The following IL16 variants were observed in gnomAD, a reference collection of about 807,000 sequenced individuals.
The protein encoded by IL16 is pro-interleukin-16.
IL16 carries 67 observed loss-of-function variants against 110.1 expected under a neutral mutation model. The ratio of observed to expected loss-of-function variants is 0.61; its 90% confidence interval spans 0.50 to 0.75. The LOEUF (loss-of-function observed/expected upper bound fraction) is 0.75. Among genes scored for constraint, IL16 ranks in the 30% least tolerant of loss-of-function variants. The pLI is 0.00. For synonymous variants in IL16, 689 were observed against 662.9 expected (o/e 1.04, Z -0.61); for missense variants, 1,545 against 1,655.0 (o/e 0.93, Z 1.15).
upstream of IL16, among the ~76,000 whole-genome samples, chr15:81,193,682 A>G (rs1297118925): frequency 1.3e-5 from 2 of 152,080 alleles, no homozygotes; most frequent in Non-Finnish European, 2.9e-5. Context: ...AAAGAGGGGA[A>G]GAGAGCCGGG....
At chr15:81,279,352 CATCT>C (rs1223002234) in intron 7 of IL16, among the ~76,000 whole-genome samples, 1 of 151,958 alleles carries the variant, frequency 6.6e-6, no homozygotes. Flanking sequence ...TCTATTCATC[CATCT>C]ATCTGGCATA....
rs1421637927 is a variant in IL16 at position 81,282,642 on chromosome 15, C to T, written c.1085C>T (p.Ala362Val). The change falls in exon 9 of 19, where the codon GCC becomes GTC. Residue 362 changes from alanine to valine, a missense_variant. Around this residue, in one of 3 missense-constraint regions of IL16, gnomAD observed 1,185 missense variants for 1,238.8 expected, o/e 0.96. Transcript: ENST00000683961. ...CCCCGCCCTGTTCTGCTTCCAGAGG[C>T]CGGCGTGGGCCTGGGCATCGGCCTG... ...IMVEVSLQKE[A>V]GVGLGIGLCS... 2.5e-6 allele frequency: 4 copies of T among 1,611,598 alleles called. No homozygotes were observed. Among genetic ancestry groups the T allele is most frequent in the East Asian group, 4.5e-5 (2 of 44,864 alleles).
chr15:81,306,404 C>T lies in IL16; in HGVS notation c.3680-16C>T. 6 of 1,613,478 alleles carry T rather than the reference C, an allele frequency of 3.7e-6. No individual in the cohort carries two copies. The highest frequency in any genetic ancestry group is 5.1e-6 in the Non-Finnish European group (6 of 1,179,840). ...AGAGGAGAGGATCCCTAACAGAGAC[C>T]TTGTGTTTTTCTCAGCAGCAGAGGC... On this transcript the variant is annotated splice_polypyrimidine_tract_variant and intron_variant, in intron 17 of 18. Transcript: ENST00000683961.
At chr15:81,262,972 T>C (rs955942333) in intron 3 of IL16, among the ~76,000 whole-genome samples, 7 of 152,252 alleles carry the variant, frequency 4.6e-5, no homozygotes, top group African/African-American at 1.4e-4. Context: ...ATCAGTGTTA[T>C]AGATCATATT....
chr15:81,306,615 C>A, intron 18 of IL16, 70 bp downstream of exon 18: 4 of 1,586,802 alleles, frequency 2.5e-6, no homozygotes, highest in Non-Finnish European at 3.4e-6. Context: ...CAAAAGGCTT[C>A]TGGGCACTTT....
chr15:81,186,431 A>T (rs1479201946), intron 1 of IL16, among the ~76,000 whole-genome samples: 1 of 152,130 alleles, frequency 6.6e-6, no homozygotes, highest in Non-Finnish European at 1.5e-5. Context: ...AGCAGTATGC[A>T]GCTGAAAAAG....
intron 14 of IL16, among the ~76,000 whole-genome samples, chr15:81,300,821 G>A (rs186332975): frequency 4.6e-5 from 7 of 152,216 alleles, no homozygotes; most frequent in East Asian, 3.9e-4. Context: ...AATGTCCTGC[G>A]GTTACTCAGA....
chr15:81,282,502 C>T, intron 8 of IL16, 137 bp from the exon 9 acceptor site: 2 of 705,914 alleles, frequency 2.8e-6, no homozygotes, highest in Admixed American at 3.8e-5. Context: ...TGCCTGCACA[C>T]AACGACTACT....
chr15:81,274,306 T>G (rs1052589946), intron 6 of IL16, among the ~76,000 whole-genome samples: 1 of 152,176 alleles, frequency 6.6e-6, no homozygotes, highest in Non-Finnish European at 1.5e-5. Flanking sequence ...TTTAAAAGTG[T>G]TTTTGATTAT....
chr15:81,213,174 T>C (rs1276980519), intron 1 of IL16, among the ~76,000 whole-genome samples: 2 of 152,228 alleles, frequency 1.3e-5, no homozygotes, highest in South Asian at 2.1e-4. Flanking sequence ...AGTTGTTTAA[T>C]TTCCATGCAT....
chr15:81,212,620 C>T (rs954611999), intron 1 of IL16, among the ~76,000 whole-genome samples: 3 of 151,972 alleles, frequency 2.0e-5, no homozygotes, highest in Non-Finnish European at 4.4e-5. Context: ...TACAGGCTCC[C>T]TCCACCGCAC....
chr15:81,199,390 T>C (rs1051641985), intron 1 of IL16, among the ~76,000 whole-genome samples: 3 of 152,144 alleles, frequency 2.0e-5, no homozygotes, highest in Non-Finnish European at 1.5e-5. Context: ...CTCAGGTGGA[T>C]GTGAAGGACG....
intron 6 of IL16, among the ~76,000 whole-genome samples, chr15:81,278,202 C>T (rs145094068): frequency 2.2e-3 from 340 of 152,196 alleles, no homozygotes; most frequent in Non-Finnish European, 3.8e-3. Context: ...AGCATTGGTC[C>T]TGGGGATATA....
At chr15:81,217,907 A>G (rs368717929) in intron 1 of IL16, among the ~76,000 whole-genome samples, 2 of 152,198 alleles carry the variant, frequency 1.3e-5, no homozygotes, top group East Asian at 1.9e-4. Context: ...ATGTCTCAAT[A>G]TATCGGTCAA....
intron 8 of IL16, among the ~76,000 whole-genome samples, chr15:81,281,490 C>T (rs1467600717): frequency 6.6e-6 from 1 of 152,252 alleles, no homozygotes; most frequent in Non-Finnish European, 1.5e-5. Flanking sequence ...GCTTTCTCCT[C>T]TGGGTTCCGG....
At chr15:81,304,761 C>G (rs1425412124) in intron 16 of IL16, among the ~76,000 whole-genome samples, 1 of 152,180 alleles carries the variant, frequency 6.6e-6, no homozygotes, top group Non-Finnish European at 1.5e-5. Context: ...AGGAGAGGTT[C>G]TGCTTCATGC....
chr15:81,308,825 T>A lies in IL16; in HGVS notation c.*27T>A. On this transcript the variant is annotated 3_prime_UTR_variant, in exon 19 of 19. Transcript: ENST00000683961. The stretch of plus-strand genomic sequence containing the variant: ...CAGGACATGCTGAAGCCAAAGCCAA[T>A]AACACACAGCTAACACACAGCTCCC... 1 of 1,585,562 alleles carries A rather than the reference T, an allele frequency of 6.3e-7. No individual in the cohort carries two copies. Among genetic ancestry groups the A allele is most frequent in the Non-Finnish European group, 8.6e-7 (1 of 1,162,214 alleles).
chr15:81,297,588 T>C (rs1335058844), intron 13 of IL16, among the ~76,000 whole-genome samples: 1 of 152,220 alleles, frequency 6.6e-6, no homozygotes, highest in African/African-American at 2.4e-5. Flanking sequence ...ATTTGCTTGC[T>C]AGAGAGAGCA....
chr15:81,204,340 C>G (rs1383660189), intron 1 of IL16, among the ~76,000 whole-genome samples: 1 of 151,986 alleles, frequency 6.6e-6, no homozygotes, highest in African/African-American at 2.4e-5. Context: ...ATTGCCCTGG[C>G]CAGAACTTCC....
Sources: allele counts gnomAD v4.1 joint callset (sites outside exome capture counted in the v4.1 genomes callset), GRCh38; gene constraint gnomAD v4.1.1; regional missense constraint gnomAD v4.1.1; transcripts MANE v1.5; gene names NCBI Gene and HGNC (gene_info 2026-07-23, HGNC 2026-07-21).